Variants in TNR observed in about 807,000 individuals in gnomAD.
TNR encodes tenascin R, also known as tenascin-R.
In TNR, 45 loss-of-function variants were observed where a neutral mutation model predicts 150.4. That is an observed-to-expected ratio of 0.30 (90% CI 0.24 to 0.38). TNR has a LOEUF of 0.38. Among genes scored for constraint, TNR ranks in the 10% least tolerant of loss-of-function variants. TNR has a pLI of 1.00. For synonymous variants in TNR, 687 were observed against 678.4 expected (o/e 1.01, Z -0.20); for missense variants, 1,544 against 1,759.1 (o/e 0.88, Z 2.19).
chr1:175,546,460 G>C (rs773805055), intron 1 of TNR, among the ~76,000 whole-genome samples: 1 of 152,196 alleles, frequency 6.6e-6, no homozygotes, highest in Non-Finnish European at 1.5e-5. Context: ...TCTGTCCACT[G>C]TTTCTTTGTG....
At chr1:175,483,515 A>G (rs913234616) in intron 2 of TNR, among the ~76,000 whole-genome samples, 1 of 152,330 alleles carries the variant, frequency 6.6e-6, no homozygotes, top group East Asian at 1.9e-4. Context: ...ATGGAAAGAC[A>G]GGAGAGTGAG....
At chr1:175,539,312 G>A (rs1162296716) in intron 1 of TNR, 1 of 152,230 alleles carries the variant, frequency 6.6e-6, no homozygotes, top group Non-Finnish European at 1.5e-5. Context: ...TACTGCTCTT[G>A]AGAAAGAAGC....
At chr1:175,448,398 G>C (rs1417209371) in intron 2 of TNR, among the ~76,000 whole-genome samples, 1 of 152,070 alleles carries the variant, frequency 6.6e-6, no homozygotes, top group Non-Finnish European at 1.5e-5. Context: ...TTTTAGTAGA[G>C]ATGGGGTTTC....
At chr1:175,460,841 A>AG (rs1206495357) in intron 2 of TNR, among the ~76,000 whole-genome samples, 4 of 152,176 alleles carry the variant, frequency 2.6e-5, no homozygotes, top group African/African-American at 9.7e-5. Flanking sequence ...GGTATGTGTA[A>AG]GGGGGGTTGA....
At chr1:175,396,903 T>C (rs1653455195) in intron 4 of TNR, 96 bp from the exon 5 acceptor site, 1 of 1,471,074 alleles carries the variant, frequency 6.8e-7, no homozygotes, top group Non-Finnish European at 9.3e-7. Flanking sequence ...CCCCATGCCA[T>C]GTCTATATGT....
intron 1 of TNR, among the ~76,000 whole-genome samples, chr1:175,537,920 C>T (rs1487318897): frequency 6.6e-6 from 1 of 152,160 alleles, no homozygotes; most frequent in Non-Finnish European, 1.5e-5. Context: ...GGAAGTGGAT[C>T]CCACTAAGAG....
chr1:175,723,494 C>A (rs933523629), intron 1 of TNR, among the ~76,000 whole-genome samples: 3 of 152,146 alleles, frequency 2.0e-5, no homozygotes, highest in Non-Finnish European at 2.9e-5. Flanking sequence ...TCTTTTGGAG[C>A]TTACAGTCTA....
At chr1:175,638,982 A>G (rs1050847978) in intron 1 of TNR, among the ~76,000 whole-genome samples, 1 of 152,172 alleles carries the variant, frequency 6.6e-6, no homozygotes, top group Non-Finnish European at 1.5e-5. Flanking sequence ...TTCTGTCAAC[A>G]TCCACATCCA....
chr1:175,666,928 T>A (rs1665548632), intron 1 of TNR, among the ~76,000 whole-genome samples: 1 of 152,186 alleles, frequency 6.6e-6, no homozygotes, highest in Admixed American at 6.5e-5. Context: ...GTAAAACATT[T>A]TTTTTATAGA....
At chr1:175,629,323 T>C (rs1399940552) in intron 1 of TNR, among the ~76,000 whole-genome samples, 2 of 152,082 alleles carry the variant, frequency 1.3e-5, no homozygotes, top group African/African-American at 4.8e-5. Context: ...TGGGAGAAAA[T>C]GATGCCAGGA....
chr1:175,556,023 T>C (rs1331892362), intron 1 of TNR, among the ~76,000 whole-genome samples: 2 of 152,256 alleles, frequency 1.3e-5, no homozygotes, highest in Non-Finnish European at 2.9e-5. Context: ...AGAATAATCA[T>C]GTAGAAATTA....
chr1:175,432,819 A>G (rs1185425188), intron 2 of TNR, among the ~76,000 whole-genome samples: 1 of 152,206 alleles, frequency 6.6e-6, no homozygotes. Flanking sequence ...TGGCAAACAC[A>G]TAATGTTATT....
intron 1 of TNR, among the ~76,000 whole-genome samples, chr1:175,623,071 T>G (rs1664032952): frequency 6.6e-6 from 1 of 152,206 alleles, no homozygotes; most frequent in Non-Finnish European, 1.5e-5. Flanking sequence ...TCAACGTACA[T>G]TTTTTGGAAG....
chr1:175,376,402 A>C (rs1290977144), intron 9 of TNR, among the ~76,000 whole-genome samples: 2 of 152,150 alleles, frequency 1.3e-5, no homozygotes, highest in Non-Finnish European at 2.9e-5. Context: ...CCTTTAACAG[A>C]TGAAGAAACA....
intron 1 of TNR, among the ~76,000 whole-genome samples, chr1:175,542,105 G>T (rs1173184755): frequency 1.3e-5 from 2 of 152,146 alleles, no homozygotes; most frequent in African/African-American, 2.4e-5. Context: ...ACTGGGTTTG[G>T]GGCAAATCTG....
At chr1:175,635,037 A>G (rs187055090) in intron 1 of TNR, among the ~76,000 whole-genome samples, 322 of 152,276 alleles carry the variant, frequency 2.1e-3, no homozygotes, top group Middle Eastern at 3.4e-3. Flanking sequence ...GAGGCTGGCC[A>G]GGGGCACAGG....
chr1:175,500,417 G>A (rs1200285027), intron 2 of TNR, among the ~76,000 whole-genome samples: 1 of 152,208 alleles, frequency 6.6e-6, no homozygotes, highest in Non-Finnish European at 1.5e-5. Flanking sequence ...CTCTGACCTA[G>A]CTGCAGACCC....
chr1:175,419,088 G>A (rs150654307), intron 2 of TNR, among the ~76,000 whole-genome samples: 4 of 152,094 alleles, frequency 2.6e-5, no homozygotes, highest in Non-Finnish European at 5.9e-5. Flanking sequence ...TCATTACTTT[G>A]GAGAATGGTT....
At chr1:175,532,311 C>A (rs1449748739) in intron 1 of TNR, among the ~76,000 whole-genome samples, 1 of 152,172 alleles carries the variant, frequency 6.6e-6, no homozygotes, top group African/African-American at 2.4e-5. Flanking sequence ...TGTGAACAAC[C>A]TTCAAGTTGT....
Sources: gnomAD v4.1 joint callset for allele counts (sites outside exome capture counted in the v4.1 genomes callset) on GRCh38, gnomAD v4.1.1 for gene constraint, MANE v1.5 for transcripts, NCBI Gene and HGNC (gene_info 2026-07-23, HGNC 2026-07-21) for gene names.